SDK2: variants seen among roughly 807,000 people sequenced by gnomAD.
SDK2 encodes protein sidekick-2.
SDK2 carries 105 observed loss-of-function variants against 253.9 expected under a neutral mutation model. The ratio of observed to expected loss-of-function variants is 0.41; its 90% CI spans 0.35 to 0.49. The LOEUF is 0.49. Among genes scored for constraint, SDK2 ranks in the 20% least tolerant of loss-of-function variants. The pLI is 0.06. For synonymous variants in SDK2, 1,249 were observed against 1,234.9 expected, an observed-to-expected ratio of 1.01 and a Z score of -0.24; for missense variants, 2,608 against 3,003.0, an observed-to-expected ratio of 0.87 and a Z score of 3.07.
At position 73,368,549 on chromosome 17, in the gene SDK2, C is replaced by T. The variant is rs1431779011; in HGVS notation, c.5025G>A (p.Val1675=). The change falls in exon 37 of 45, where the codon GTG becomes GTA. Residue 1675 remains valine, a synonymous_variant. Coordinates refer to ENST00000392650, the MANE Select transcript of SDK2 (RefSeq NM_001144952.2). ...EAQRGNLTER[V]KTLFLAENSV... ...TGTTCTCAGCCAGGAAAAGCGTCTT[C>T]ACTCGCTCTGTGAGGTTCCCCCGCT... The T allele has an allele frequency of 1.2e-6, 2 of 1,606,846 alleles. No individual in the cohort carries two copies. The highest frequency in any genetic ancestry group is 2.2e-5 in the East Asian group (1 of 44,664).
rs890478361 is a variant in SDK2 at position 73,639,099 on chromosome 17, T to C, written c.64+4926A>G. On this transcript the variant is annotated intron_variant, in intron 1 of 44. Coordinates refer to ENST00000392650, the MANE Select transcript of SDK2 (RefSeq NM_001144952.2). The surrounding 1 kb of genome is among the most constrained non-coding windows in gnomAD (Gnocchi z 4.3). ...TGCTGGGATTACAGGCGTGAGCCAC[T>C]GTGCCTGGCTGGTAGACACAACTAT... Among the ~76,000 whole-genome samples, 3 of 152,196 alleles carry C rather than the reference T, an allele frequency of 2.0e-5. No homozygotes were observed. The highest frequency in any genetic ancestry group is 7.2e-5 in the African/African-American group (3 of 41,450).
intron 2 of SDK2, among the ~76,000 whole-genome samples, chr17:73,480,012 C>A (rs996142013): frequency 4.6e-5 from 7 of 152,178 alleles, no homozygotes; most frequent in Admixed American, 1.3e-4. Flanking sequence ...TTTTCTTTAT[C>A]ATCACCCAGG....
chr17:73,628,436 C>T (rs2046229800), intron 1 of SDK2, among the ~76,000 whole-genome samples: 1 of 152,232 alleles, frequency 6.6e-6, no homozygotes, highest in Non-Finnish European at 1.5e-5. Context: ...GATCCACAGA[C>T]AGCATCTAGA....
intron 36 of SDK2, among the ~76,000 whole-genome samples, chr17:73,374,687 C>T (rs907840250): frequency 1.3e-4 from 19 of 150,494 alleles, no homozygotes; most frequent in African/African-American, 3.7e-4. Flanking sequence ...AGGCTGGTCT[C>T]GAACTCCTGA....
chr17:73,362,335 C>T (rs2062648514), intron 38 of SDK2, among the ~76,000 whole-genome samples: 1 of 152,122 alleles, frequency 6.6e-6, no homozygotes, highest in South Asian at 2.1e-4. Flanking sequence ...TCCACCTGAG[C>T]CCCACTCCAG....
intron 1 of SDK2, among the ~76,000 whole-genome samples, chr17:73,633,879 G>A (rs969093355): frequency 7.2e-5 from 11 of 152,088 alleles, no homozygotes; most frequent in South Asian, 4.2e-4. Context: ...ACAGGGGTTC[G>A]AAAGGGGAGA....
intron 2 of SDK2, among the ~76,000 whole-genome samples, chr17:73,490,523 G>GTT (rs1194044828): frequency 3.7e-4 from 38 of 101,628 alleles, no homozygotes; most frequent in South Asian, 1.8e-3. Context: ...GCCAGGCAGT[G>GTT]TTTTTTTTTT....
intron 21 of SDK2, 51 bp downstream of exon 21, chr17:73,400,969 G>A (rs1267965232): frequency 4.6e-6 from 7 of 1,506,654 alleles, no homozygotes; most frequent in African/African-American, 1.4e-5. Flanking sequence ...TCTTGAATGG[G>A]ACGCTGCTCA....
chr17:73,381,185 C>A (rs2062828079), intron 33 of SDK2, among the ~76,000 whole-genome samples: 1 of 152,206 alleles, frequency 6.6e-6, no homozygotes, highest in African/African-American at 2.4e-5. Context: ...CTGGTGTGCA[C>A]TGGCCCAAGG....
In SDK2 at chr17:73,361,353, C is replaced by T. The variant is rs1318505675; in HGVS notation, c.5467+331G>A. Among the ~76,000 whole-genome samples, 2 of 152,242 alleles carry T rather than the reference C, an allele frequency of 1.3e-5. No individual in the cohort carries two copies. The highest frequency in any genetic ancestry group is 2.1e-4 in the South Asian group (1 of 4,824). On this transcript the variant is annotated intron_variant, in intron 39 of 44. Coordinates refer to ENST00000392650, the MANE Select transcript of SDK2 (RefSeq NM_001144952.2). The surrounding 1 kb of genome is among the most constrained non-coding windows in gnomAD (Gnocchi z 4.1). Reference sequence around the variant, plus strand: ...CCTGCCAGGCTGCATCCTTCCAGGACGGAAGTAAAGGAGGCCATGCAATTA... The same window carrying T: ...CCTGCCAGGCTGCATCCTTCCAGGATGGAAGTAAAGGAGGCCATGCAATTA...
chr17:73,472,777 T>C (rs575578094), intron 2 of SDK2, among the ~76,000 whole-genome samples: 1 of 152,262 alleles, frequency 6.6e-6, no homozygotes, highest in East Asian at 1.9e-4. Flanking sequence ...AGGTGGGAGA[T>C]AATTGAATCA....
rs560453898 is a variant in SDK2, at chr17:73,447,495, G to A, written c.613+120C>T. The A allele has an allele frequency of 2.4e-4, 332 of 1,403,040 alleles. No individual in the cohort carries two copies. Among genetic ancestry groups the A allele is most frequent in the Middle Eastern group, 3.7e-4 (2 of 5,366 alleles). 86.9% of individuals were successfully genotyped at this position (1,403,040 alleles called of 1,614,324 possible). ...CTCCTTGGGAAGGCTCCCCCCGGCC[G>A]TCCCCTAGCTTCCCTGTCCCCCTCC... On this transcript the variant is annotated intron_variant, in intron 5 of 44. Transcript: ENST00000392650. The surrounding 1 kb of genome is among the most constrained non-coding windows in gnomAD (Gnocchi z 4.0).
intron 3 of SDK2, among the ~76,000 whole-genome samples, chr17:73,458,005 G>A (rs539196827): frequency 6.6e-6 from 1 of 152,202 alleles, no homozygotes; most frequent in African/African-American, 2.4e-5. Flanking sequence ...TAGAGACAGG[G>A]TCTCGCTCTA....
intron 1 of SDK2, among the ~76,000 whole-genome samples, chr17:73,626,394 C>T (rs1054161815): frequency 5.9e-5 from 9 of 152,218 alleles, no homozygotes; most frequent in Non-Finnish European, 1.0e-4. Context: ...GGCAAATGCA[C>T]GGCGCCCAGC....
intron 13 of SDK2, 88 bp from the exon 14 acceptor site, chr17:73,423,610 A>G: frequency 7.3e-7 from 1 of 1,378,626 alleles, no homozygotes; most frequent in East Asian, 2.6e-5. Context: ...GTAGGCCTTG[A>G]CCTTCCATGA....
intron 44 of SDK2, among the ~76,000 whole-genome samples, chr17:73,343,141 C>T (rs1475541842): frequency 6.6e-6 from 1 of 152,236 alleles, no homozygotes; most frequent in Non-Finnish European, 1.5e-5. Flanking sequence ...TCCCAAAGCC[C>T]ACTCATCTAG....
chr17:73,624,451 G>C (rs528298247), intron 1 of SDK2, among the ~76,000 whole-genome samples: 1 of 152,322 alleles, frequency 6.6e-6, no homozygotes, highest in Admixed American at 6.5e-5. Context: ...GCAGTGAGCC[G>C]AGATTGTGCC....
intron 2 of SDK2, among the ~76,000 whole-genome samples, chr17:73,484,125 C>T (rs967165404): frequency 6.6e-6 from 1 of 152,164 alleles, no homozygotes; most frequent in East Asian, 1.9e-4. Context: ...AGGAAAGCCT[C>T]GCCACCCAGC....
rs569149146 is a variant in SDK2 at position 73,352,358 on chromosome 17, G to T, written c.5758+115C>A. 104 of 1,320,944 alleles carry T rather than the reference G, an allele frequency of 7.9e-5. 1 individual carries two copies. The Middle Eastern group carries it at 1.3e-3, about 17-fold the overall frequency. 81.8% of individuals were successfully genotyped at this position (1,320,944 alleles called of 1,614,324 possible). A position where few individuals can be genotyped will look rare whatever the true frequency, so the allele number is the denominator to read the frequency against. ...AGCCCCGAGGGGACAATGTGTTTTT[G>T]TTCCCGCCCCATGCTCCTGGTGCCC... On this transcript the variant is annotated intron_variant, in intron 41 of 44. Coordinates refer to ENST00000392650, the MANE Select transcript of SDK2 (RefSeq NM_001144952.2). The surrounding 1 kb of genome is among the most constrained non-coding windows in gnomAD (Gnocchi z 4.1).
Sources: gnomAD v4.1 joint callset for allele counts (sites outside exome capture counted in the v4.1 genomes callset) on GRCh38, gnomAD v4.1.1 for gene constraint, Gnocchi (gnomAD v3.1) non-coding constraint, MANE v1.5 for transcripts, NCBI Gene and HGNC (gene_info 2026-07-23, HGNC 2026-07-21) for gene names.